The following BRD1 variants were observed in gnomAD, a reference collection of about 807,000 sequenced individuals.
BRD1 encodes bromodomain-containing protein 1.
In BRD1, 24 loss-of-function variants were observed where a neutral mutation model predicts 107.7. The ratio of observed to expected loss-of-function variants is 0.22; its 90% CI spans 0.16 to 0.31. The LOEUF is 0.31. Ranked by LOEUF, BRD1 falls within the 10% of genes least tolerant of loss-of-function variation. BRD1 has a pLI of 1.00. For missense variants in BRD1, 1,279 were observed against 1,638.6 expected, an observed-to-expected ratio of 0.78 and a Z score of 3.79; for synonymous variants, 744 against 686.1, an observed-to-expected ratio of 1.08 and a Z score of -1.32.
At chr22:49,821,573 G>A (rs529273232) in intron 2 of BRD1, among the ~76,000 whole-genome samples, 304 of 151,832 alleles carry the variant, frequency 2.0e-3, no homozygotes, top group Middle Eastern at 6.8e-3. Flanking sequence ...CTTTGGTAAA[G>A]TAGAGTAATA....
chr22:49,821,699 G>A (rs191651207), intron 2 of BRD1, among the ~76,000 whole-genome samples: 20 of 151,718 alleles, frequency 1.3e-4, no homozygotes, highest in South Asian at 2.1e-4. Flanking sequence ...CAGCCTCACC[G>A]CCCGATGCAG....
At chr22:49,775,996 C>CCCT in intron 11 of BRD1, 54 bp downstream of exon 11, 1 of 1,523,858 alleles carries the variant, frequency 6.6e-7, no homozygotes, top group Non-Finnish European at 8.9e-7. Context: ...ACCCCCGCCC[C>CCCT]GCAGCTGTGT....
At chr22:49,815,603 G>A (rs2059935174) in intron 2 of BRD1, among the ~76,000 whole-genome samples, 1 of 151,946 alleles carries the variant, frequency 6.6e-6, no homozygotes, top group African/African-American at 2.4e-5. Flanking sequence ...CTGTAGAGGA[G>A]AATCCCTCCT....
Position 49,823,518 on chromosome 22 carries a change from C to T in BRD1, c.800G>A (p.Arg267Gln), listed in dbSNP as rs34310668. 3.7e-6 allele frequency: 6 copies of T among 1,601,466 alleles called. No homozygotes were observed. Among genetic ancestry groups the T allele is most frequent in the African/African-American group, 1.3e-5 (1 of 74,798 alleles). ...GGGGCACAGCACACAGTCGGCGGGC[C>T]GGGCCCGCGACTGCAGGCAGTGGCG... ...LCRHCLQSRA[R>Q]PADCVLCPNK... Residue 267 changes from arginine to glutamine, a missense_variant, in exon 2 of 13, where the codon CGG (arginine) becomes CAG (glutamine). Physicochemically the swap from Arg to Gln is conservative, Grantham distance 43. Coordinates refer to ENST00000404760, the MANE Select transcript of BRD1 (RefSeq NM_001304808.3).
Position 49,774,141 on chromosome 22 carries a change from C to T in BRD1, c.*92G>A, listed in dbSNP as rs993351305. On this transcript the variant is annotated 3_prime_UTR_variant, in exon 13 of 13. Coordinates refer to ENST00000404760, the MANE Select transcript of BRD1 (RefSeq NM_001304808.3). ...GGGAAAAAGAATTAAAGAGCTATAA[C>T]TAAAAATCAGAATAAGTTAAGTTTT... The T allele has an allele frequency of 2.8e-6, 4 of 1,432,244 alleles. No individual in the cohort carries two copies. In the African/African-American group the frequency reaches 4.3e-5, roughly 16 times the overall value. The allele number at this position is 1,432,244 out of a possible 1,614,324, so 88.7% of individuals were successfully genotyped here. A position where few individuals can be genotyped will look rare whatever the true frequency, so the allele number is the denominator to read the frequency against.
chr22:49,781,148 G>A (rs567628015), intron 8 of BRD1, among the ~76,000 whole-genome samples: 1 of 152,130 alleles, frequency 6.6e-6, no homozygotes, highest in African/African-American at 2.4e-5. Flanking sequence ...CCACCCTCAA[G>A]GGCCTTCCCA....
At chr22:49,795,576 G>A (rs777268590) in intron 6 of BRD1, among the ~76,000 whole-genome samples, 3 of 152,256 alleles carry the variant, frequency 2.0e-5, no homozygotes, top group Non-Finnish European at 4.4e-5. Context: ...GGGAGCACAG[G>A]AGCAGGGCCC....
chr22:49,826,638 G>A (rs2060151220), intron 1 of BRD1, among the ~76,000 whole-genome samples: 1 of 152,250 alleles, frequency 6.6e-6, no homozygotes, highest in Non-Finnish European at 1.5e-5. Context: ...CAAGGCCACA[G>A]GGGCCGCGGC....
Position 49,800,274 on chromosome 22 carries a change from G to A in BRD1, c.1525-1155C>T, listed in dbSNP as rs186344158. Among the ~76,000 whole-genome samples, 3 of 152,304 alleles carry A rather than the reference G, an allele frequency of 2.0e-5. No homozygotes were observed. The East Asian group carries it at 5.8e-4, about 29-fold the overall frequency. ...CGAGCCCCGCACCCCCACCCCCAAG[G>A]CCAGGCCTCTCCATGGCGAGGCAGA... On this transcript the variant is annotated intron_variant, in intron 3 of 12. Transcript: ENST00000404760.
chr22:49,775,105 C>T (rs529898727), intron 12 of BRD1, among the ~76,000 whole-genome samples: 17 of 152,324 alleles, frequency 1.1e-4, no homozygotes, highest in Admixed American at 7.2e-4. Context: ...GGGTCCCAGA[C>T]GCTCTGGGGA....
chr22:49,804,398 C>T (rs2059701797), intron 2 of BRD1, 38 bp from the exon 3 acceptor site: 1 of 1,551,222 alleles, frequency 6.4e-7, no homozygotes, highest in East Asian at 2.3e-5. Context: ...TGAAGCAGTA[C>T]ATTAAGATGT....
rs145788663 is a variant in BRD1, at chr22:49,783,919, G to A, written c.2857+3471C>T. Among the ~76,000 whole-genome samples the A allele has an allele frequency of 2.3e-3, 354 of 152,352 alleles. 1 individual carries two copies. The highest frequency in any genetic ancestry group is 8.2e-3 in the African/African-American group (339 of 41,578). Reference sequence around the variant, plus strand: ...AGAACTCCAGTCCAAGTTGAGGTAAGAGAAAATGATTAGGGTCCAAAGAGT... The same window carrying A: ...AGAACTCCAGTCCAAGTTGAGGTAAAAGAAAATGATTAGGGTCCAAAGAGT... On this transcript the variant is annotated intron_variant, in intron 8 of 12. Transcript: ENST00000404760. The surrounding 1 kb of genome is among the most constrained non-coding windows in gnomAD (Gnocchi z 4.2).
intron 4 of BRD1, 96 bp downstream of exon 4, chr22:49,798,892 C>G: frequency 6.7e-7 from 1 of 1,494,026 alleles, no homozygotes; most frequent in African/African-American, 1.4e-5. Context: ...GGGCCAGGAC[C>G]CACCGGGTGC....
At chr22:49,817,520 T>G (rs1490204664) in intron 2 of BRD1, 1 of 157,924 alleles carries the variant, frequency 6.3e-6, no homozygotes, top group Admixed American at 6.4e-5. Context: ...GCTGAATGAC[T>G]GTGCTGTGAT....
In BRD1 at chr22:49,824,921, ACAGC is replaced by A; in HGVS notation, c.-14-594_-14-591del. 1 of 627,794 alleles carries A rather than the reference ACAGC, an allele frequency of 1.6e-6. No individual in the cohort carries two copies. The highest frequency in any genetic ancestry group is 6.6e-5 in the South Asian group (1 of 15,188). The allele number at this position is 627,794 out of a possible 1,614,324, so 38.9% of individuals were successfully genotyped here. A position where few individuals can be genotyped will look rare whatever the true frequency, so the allele number is the denominator to read the frequency against. ...TGGGGCCAGGGGTAGGAGACAGATC[ACAGC>A]CTGTCCATCCTCTATAGACAGGCCC... On this transcript the variant is annotated intron_variant, in intron 1 of 12. Coordinates refer to ENST00000404760, the MANE Select transcript of BRD1 (RefSeq NM_001304808.3). This position sits in a 1 kb window ranked among gnomAD's most constrained non-coding sequence, Gnocchi z 5.9.
chr22:49,787,324 G>C, intron 8 of BRD1, 66 bp downstream of exon 8: 2 of 1,014,468 alleles, frequency 2.0e-6, no homozygotes, highest in Non-Finnish European at 2.6e-6. Context: ...TCACACCAAT[G>C]ATCCTGAAGG....
Position 49,774,054 on chromosome 22 carries a change from C to T in BRD1, c.*179G>A. Reference sequence around the variant, plus strand: ...GCTGCCCGGACGTGCCCACCCCACTCACAGCGCCCAGACGGAGATGGGTTC... The same window carrying T: ...GCTGCCCGGACGTGCCCACCCCACTTACAGCGCCCAGACGGAGATGGGTTC... On this transcript the variant is annotated 3_prime_UTR_variant, in exon 13 of 13. Transcript: ENST00000404760. 4.8e-6 allele frequency: 4 copies of T among 832,640 alleles called. No homozygotes were observed. Among genetic ancestry groups the T allele is most frequent in the African/African-American group, 3.5e-5 (2 of 57,400 alleles). The allele number at this position is 832,640 out of a possible 1,614,324, so 51.6% of individuals were successfully genotyped here.
At chr22:49,811,777 T>A (rs943751719) in intron 2 of BRD1, among the ~76,000 whole-genome samples, 1 of 152,130 alleles carries the variant, frequency 6.6e-6, no homozygotes, top group Non-Finnish European at 1.5e-5. Flanking sequence ...GCTGACAAAA[T>A]TCCCCCACGG....
At position 49,824,077 on chromosome 22, in the gene BRD1, C is replaced by T. The variant is rs770392728; in HGVS notation, c.241G>A (p.Glu81Lys). The T allele has an allele frequency of 6.2e-7, 1 of 1,613,984 alleles. No homozygotes were observed. The highest frequency in any genetic ancestry group is 8.5e-7 in the Non-Finnish European group (1 of 1,180,034). ...SECNSNKENS[E>K]RPPVCLRTKR... ...GTTCTTAAGCAGACAGGAGGCCGCT[C>T]GCTGTTTTCCTTGTTGCTGTTGCAC... Residue 81 changes from glutamate (E) to lysine (K), a missense_variant, in exon 2 of 13, where the codon GAG becomes AAG. This residue lies in a region of BRD1 where 223 missense variants were observed against 263.5 expected (regional missense o/e 0.85). Transcript: ENST00000404760. This position sits in a 1 kb window ranked among gnomAD's most constrained non-coding sequence, Gnocchi z 5.9.
Sources: allele counts gnomAD v4.1 joint callset (sites outside exome capture counted in the v4.1 genomes callset), GRCh38; gene constraint gnomAD v4.1.1; regional missense constraint gnomAD v4.1.1; non-coding constraint Gnocchi (gnomAD v3.1); transcripts MANE v1.5; gene names NCBI Gene and HGNC (gene_info 2026-07-23, HGNC 2026-07-21).